Variants in SEMA6D observed in about 807,000 individuals in gnomAD.
The protein encoded by SEMA6D is semaphorin 6D, also known as semaphorin-6D.
SEMA6D carries 35 observed loss-of-function variants against 106.6 expected under a neutral mutation model. The observed-to-expected ratio is 0.33, with a 90% CI of 0.25 to 0.44. The LOEUF (loss-of-function observed/expected upper bound fraction) is 0.44, where lower values mean the gene tolerates loss of function less well. Ranked by LOEUF, SEMA6D falls within the 20% of genes least tolerant of loss-of-function variation. The pLI is 1.00. For synonymous variants in SEMA6D, 499 were observed against 487.7 expected (o/e 1.02, Z -0.31); for missense variants, 1,185 against 1,345.9 (o/e 0.88, Z 1.87).
intron 3 of SEMA6D, among the ~76,000 whole-genome samples, chr15:47,547,313 C>T (rs963600550): frequency 6.6e-6 from 1 of 152,108 alleles, no homozygotes; most frequent in Non-Finnish European, 1.5e-5. Flanking sequence ...AGCAACACCA[C>T]CATCACCACT....
chr15:47,761,767 G>T lies in SEMA6D; in HGVS notation c.538+16G>T, dbSNP rs375519299. 4 of 1,574,330 alleles carry T rather than the reference G, an allele frequency of 2.5e-6. No homozygotes were observed. The highest frequency in any genetic ancestry group is 2.2e-5 in the East Asian group (1 of 44,656). ...CTCTTTGCTGGTAAGATCCTTTAGC[G>T]TAATGAATATAAATGATTAATGACA... On this transcript the variant is annotated intron_variant, in intron 7 of 18. Coordinates refer to ENST00000536845, the MANE Select transcript of SEMA6D (RefSeq NM_001358351.3).
At chr15:47,544,828 C>CA (rs1229816250) in intron 3 of SEMA6D, among the ~76,000 whole-genome samples, 4 of 151,868 alleles carry the variant, frequency 2.6e-5, no homozygotes, top group African/African-American at 9.7e-5. Flanking sequence ...GGGTAGCCTT[C>CA]AATACAATTA....
chr15:47,538,927 A>G (rs1235414007), intron 3 of SEMA6D, among the ~76,000 whole-genome samples: 1 of 152,158 alleles, frequency 6.6e-6, no homozygotes, highest in African/African-American at 2.4e-5. Context: ...AAAAGGAAAT[A>G]ATTTGCCTGG....
chr15:47,328,071 C>T (rs1050278679), intron 1 of SEMA6D, among the ~76,000 whole-genome samples: 10 of 152,140 alleles, frequency 6.6e-5, no homozygotes, highest in African/African-American at 2.4e-4. Context: ...GAAATATATT[C>T]TCCTCCAGAG....
rs185223292 is a variant in SEMA6D at position 47,761,766 on chromosome 15, C to T, written c.538+15C>T. 2.7e-5 allele frequency: 43 copies of T among 1,575,888 alleles called. No individual in the cohort carries two copies. The highest frequency in any genetic ancestry group is 2.7e-4 in the East Asian group (12 of 44,656). The stretch of plus-strand genomic sequence containing the variant: ...CCTCTTTGCTGGTAAGATCCTTTAG[C>T]GTAATGAATATAAATGATTAATGAC... On this transcript the variant is annotated intron_variant, in intron 7 of 18. Transcript: ENST00000536845.
intron 1 of SEMA6D, among the ~76,000 whole-genome samples, chr15:47,218,152 T>C (rs930157756): frequency 6.6e-6 from 1 of 152,148 alleles, no homozygotes; most frequent in Non-Finnish European, 1.5e-5. Flanking sequence ...ATTGGGAAAA[T>C]GAAGGAAATG....
chr15:47,505,155 A>C (rs1352640295), intron 3 of SEMA6D, among the ~76,000 whole-genome samples: 1 of 152,120 alleles, frequency 6.6e-6, no homozygotes, highest in African/African-American at 2.4e-5. Flanking sequence ...GATGAAGGGA[A>C]GAGAAAGGAC....
chr15:47,260,118 A>G (rs552439291), intron 1 of SEMA6D, among the ~76,000 whole-genome samples: 2 of 151,934 alleles, frequency 1.3e-5, no homozygotes, highest in East Asian at 3.9e-4. Context: ...AAGAGAGTTT[A>G]TAATTGATTT....
chr15:47,296,658 A>G (rs796445176), intron 1 of SEMA6D, among the ~76,000 whole-genome samples: 52 of 152,338 alleles, frequency 3.4e-4, no homozygotes, highest in African/African-American at 1.2e-3. Flanking sequence ...GAAAGATGGG[A>G]TATAATCTGG....
chr15:47,677,525 T>A (rs1398592724), intron 4 of SEMA6D, among the ~76,000 whole-genome samples: 2 of 152,202 alleles, frequency 1.3e-5, no homozygotes, highest in Non-Finnish European at 2.9e-5. Context: ...AAAAGCACAT[T>A]ACAGAGAAGC....
intron 1 of SEMA6D, chr15:47,718,880 A>C (rs893267809): frequency 2.0e-5 from 3 of 152,226 alleles, no homozygotes; most frequent in African/African-American, 7.2e-5. Context: ...GAAGGTAGGG[A>C]AACTTTTATT....
chr15:47,591,732 G>A (rs1053820782), intron 3 of SEMA6D, among the ~76,000 whole-genome samples: 26 of 152,316 alleles, frequency 1.7e-4, no homozygotes, highest in African/African-American at 5.8e-4. Flanking sequence ...TAGAGACACA[G>A]CAAATGTGTG....
At chr15:47,536,556 G>A (rs964205268) in intron 3 of SEMA6D, among the ~76,000 whole-genome samples, 1 of 152,194 alleles carries the variant, frequency 6.6e-6, no homozygotes, top group Non-Finnish European at 1.5e-5. Context: ...ATCACTGAGG[G>A]TCTAGGTGTG....
intron 1 of SEMA6D, among the ~76,000 whole-genome samples, chr15:47,350,306 C>T (rs1486898): frequency 0.2 from 30,297 of 152,196 alleles, 3,655 homozygotes; most frequent in African/African-American, 0.33. Flanking sequence ...ACATCAGCCT[C>T]ATACCCTGCA....
chr15:47,413,606 C>T, intron 2 of SEMA6D, among the ~76,000 whole-genome samples: 1 of 152,038 alleles, frequency 6.6e-6, no homozygotes, highest in East Asian at 1.9e-4. Flanking sequence ...ACCTCAGCCT[C>T]CTGAGTAGCT....
intron 2 of SEMA6D, among the ~76,000 whole-genome samples, chr15:47,459,755 A>G (rs1330250129): frequency 6.6e-6 from 1 of 152,094 alleles, no homozygotes; most frequent in African/African-American, 2.4e-5. Flanking sequence ...TTAAATTCTT[A>G]AGAATTTCTG....
At chr15:47,365,890 G>GAGGA (rs1346586280) in intron 1 of SEMA6D, among the ~76,000 whole-genome samples, 14 of 119,748 alleles carry the variant, frequency 1.2e-4, no homozygotes, top group African/African-American at 5.1e-4. Flanking sequence ...GAGAGAGAGA[G>GAGGA]GAGAGAGAGA....
intron 2 of SEMA6D, among the ~76,000 whole-genome samples, chr15:47,424,356 AAAG>A: frequency 6.6e-6 from 1 of 152,238 alleles, no homozygotes; most frequent in African/African-American, 2.4e-5. Context: ...AAGAAAAAAA[AAAG>A]AAAATTAGTT....
intron 1 of SEMA6D, among the ~76,000 whole-genome samples, chr15:47,281,704 A>C (rs2035127946): frequency 6.6e-6 from 1 of 152,126 alleles, no homozygotes; most frequent in Non-Finnish European, 1.5e-5. Flanking sequence ...CTAATAGAGC[A>C]CAGTATAATG....
Sources: gnomAD v4.1 joint callset for allele counts (sites outside exome capture counted in the v4.1 genomes callset) on GRCh38, gnomAD v4.1.1 for gene constraint, MANE v1.5 for transcripts, NCBI Gene and HGNC (gene_info 2026-07-23, HGNC 2026-07-21) for gene names.